The following INO80E variants were observed in gnomAD, a reference collection of about 807,000 sequenced individuals.
INO80E encodes INO80 complex subunit E, also known as coiled-coil domain containing 95.
A neutral mutation model predicts 27.3 loss-of-function variants in INO80E; 20 were observed. The observed-to-expected ratio is 0.73, with a 90% CI of 0.51 to 1.06. The LOEUF is 1.06. INO80E is among the 50% of genes least tolerant of loss of function. The pLI is 0.00. For missense variants in INO80E, 357 were observed against 322.8 expected (o/e 1.11, Z -0.81); for synonymous variants, 167 against 145.9 (o/e 1.14, Z -1.04).
chr16:29,999,732 A>G (rs1295207422), intron 3 of INO80E, among the ~76,000 whole-genome samples: 1 of 152,254 alleles, frequency 6.6e-6, no homozygotes, highest in African/African-American at 2.4e-5. Context: ...TTAGTTGACC[A>G]GAAAGGTACA....
At chr16:30,004,382 T>C in intron 6 of INO80E, 1 of 152,922 alleles carries the variant, frequency 6.5e-6, no homozygotes, top group Non-Finnish European at 1.5e-5. Flanking sequence ...TGTGAGGACC[T>C]GGCAGCGGGG....
At chr16:30,001,954 C>T (rs187557011) in intron 6 of INO80E, 97 of 167,586 alleles carry the variant, frequency 5.8e-4, no homozygotes, top group Admixed American at 2.8e-3. Flanking sequence ...ACCTATAGGG[C>T]GAGTGGTCCT....
Position 30,000,825 on chromosome 16 carries a change from G to T in INO80E, c.273G>T (p.Pro91=). The change falls in exon 4 of 7, where the codon CCG becomes CCT. Residue 91 remains proline (P), a synonymous_variant. Transcript: ENST00000563197. ...GGACACCCAAGTTGTCTGACACACC[G>T]GCCCCTAAGAGGTGAGAAGAAGATG... is the stretch of plus-strand genomic sequence containing the variant. ...TEGTPKLSDT[P]APKRKRSPPL... 6.2e-7 allele frequency: 1 copy of T among 1,614,124 alleles called. No individual in the cohort carries two copies. Among genetic ancestry groups the T allele is most frequent in the Non-Finnish European group, 8.5e-7 (1 of 1,179,952 alleles).
At chr16:29,999,972 G>A (rs2070286571) in intron 3 of INO80E, among the ~76,000 whole-genome samples, 2 of 152,118 alleles carry the variant, frequency 1.3e-5, no homozygotes, top group South Asian at 4.1e-4. Flanking sequence ...TAGATGAACA[G>A]GACCCTGGTT....
chr16:29,999,702 C>T (rs1157899592), intron 3 of INO80E: 1 of 152,194 alleles, frequency 6.6e-6, no homozygotes, highest in Non-Finnish European at 1.5e-5. Flanking sequence ...GGTCAGTGTG[C>T]TTTAAAGAAT....
At chr16:29,998,716 T>C (rs2070231217) in intron 3 of INO80E, among the ~76,000 whole-genome samples, 1 of 152,134 alleles carries the variant, frequency 6.6e-6, no homozygotes, top group African/African-American at 2.4e-5. Flanking sequence ...TCGTAAGCCA[T>C]GTCACGTAGA....
At chr16:29,999,804 G>A (rs964997739) in intron 3 of INO80E, among the ~76,000 whole-genome samples, 2 of 152,210 alleles carry the variant, frequency 1.3e-5, no homozygotes, top group Admixed American at 1.3e-4. Context: ...CATCAGGAAG[G>A]ATGTGACCAG....
chr16:29,996,417 G>C (rs1377898213), intron 1 of INO80E, 26 bp downstream of exon 1: 2 of 1,571,190 alleles, frequency 1.3e-6, no homozygotes, highest in Non-Finnish European at 1.7e-6. Context: ...GGAAGGCTGT[G>C]GGGGATGAGG....
At chr16:30,001,732 G>T (rs887168244) in intron 6 of INO80E, 10 of 548,168 alleles carry the variant, frequency 1.8e-5, no homozygotes, top group African/African-American at 3.8e-5. Context: ...CAGCCTTGGA[G>T]GACCCGGTGT....
rs950022722 is a variant in INO80E, at chr16:30,005,208, C to T, written c.514-13C>T. 2.1e-6 allele frequency: 3 copies of T among 1,435,274 alleles called. No homozygotes were observed. The highest frequency in any genetic ancestry group is 6.4e-5 in the Admixed American group (2 of 31,186). 88.9% of individuals were successfully genotyped at this position (1,435,274 alleles called of 1,614,324 possible). A position where few individuals can be genotyped will look rare whatever the true frequency, so the allele number is the denominator to read the frequency against. On this transcript the variant is annotated splice_polypyrimidine_tract_variant and intron_variant, in intron 6 of 6. Coordinates refer to ENST00000563197, the MANE Select transcript of INO80E (RefSeq NM_173618.3). ...CCTGACTAGTCCCCCTGTGTTTCTT[C>T]CCCCTGCTGCAGATGGCGGTGGGAC... is the stretch of plus-strand genomic sequence containing the variant.
intron 1 of INO80E, 31 bp downstream of exon 1, chr16:29,996,422 A>C (rs1174627124): frequency 2.6e-6 from 4 of 1,567,858 alleles, no homozygotes; most frequent in Admixed American, 1.9e-5. Flanking sequence ...GCTGTGGGGG[A>C]TGAGGCCTGG....
chr16:30,000,967 C>G lies in INO80E; in HGVS notation c.323C>G (p.Ser108Cys). Reference protein sequence around the residue: ...SPPLGGAPSPSSLSLPPSTGF... With the variant: ...SPPLGGAPSPCSLSLPPSTGF... ...CCGCTGGGGGGCGCCCCCTCTCCCT[C>G]CAGCCTCTCCCTGCCTCCTTCAACA... Residue 108 changes from serine to cysteine, a missense_variant, in exon 5 of 7, where the codon TCC (serine) becomes TGC (cysteine). By Grantham distance (112) the Ser-to-Cys change is moderately radical. Transcript: ENST00000563197. 6.4e-7 allele frequency: 1 copy of G among 1,574,446 alleles called. No homozygotes were observed. Among genetic ancestry groups the G allele is most frequent in the Non-Finnish European group, 8.6e-7 (1 of 1,157,418 alleles).
chr16:29,996,513 C>T (rs544664924), intron 1 of INO80E, 34 bp from the exon 2 acceptor site: 1 of 1,554,586 alleles, frequency 6.4e-7, no homozygotes. Flanking sequence ...CACGGAGGAC[C>T]GTTGGCCCAG....
chr16:29,998,305 A>C (rs2070215595), intron 3 of INO80E, among the ~76,000 whole-genome samples: 1 of 151,628 alleles, frequency 6.6e-6, no homozygotes, highest in South Asian at 2.1e-4. Flanking sequence ...AAAAAAAAAA[A>C]ACAAAAACCA....
chr16:30,004,590 C>T (rs539443411), intron 6 of INO80E: 25 of 154,748 alleles, frequency 1.6e-4, no homozygotes, highest in Non-Finnish European at 2.3e-4. Context: ...GGCTGCCGTG[C>T]GGAGGAGCTG....
rs190167175 is a variant in INO80E at position 30,001,685 on chromosome 16, G to A, written c.513+155G>A. On this transcript the variant is annotated intron_variant, in intron 6 of 6. Transcript: ENST00000563197. ...TGAGGGGTGGATCACAGAAGTCTCG[G>A]CTTACAGGCTTGTATGGAGACAAAT... The A allele has an allele frequency of 1.3e-3, 896 of 690,784 alleles. 7 individuals are homozygous for A. The African/African-American group carries it at 0.015, about 11-fold the overall frequency. 42.8% of individuals were successfully genotyped at this position (690,784 alleles called of 1,614,324 possible).
Position 29,996,632 on chromosome 16 carries a change from A to T in INO80E, c.152+15A>T, listed in dbSNP as rs773559761. On this transcript the variant is annotated intron_variant, in intron 2 of 6. Transcript: ENST00000563197. ...CGGGACAAGAGGTGAGGCACGTTGC[A>T]GGGGCGGAGGGCGATGTGCTTCCTA... is the stretch of plus-strand genomic sequence containing the variant. The T allele has an allele frequency of 5.1e-6, 8 of 1,581,342 alleles. No homozygotes were observed. Among genetic ancestry groups the T allele is most frequent in the Non-Finnish European group, 6.9e-6 (8 of 1,163,366 alleles).
chr16:29,999,048 A>G (rs892309154), intron 3 of INO80E, among the ~76,000 whole-genome samples: 3 of 150,910 alleles, frequency 2.0e-5, no homozygotes, highest in African/African-American at 7.4e-5. Flanking sequence ...CCGTCTCAAA[A>G]AAAAAAAAAA....
At chr16:30,004,244 C>T (rs4788211) in intron 6 of INO80E, 74,707 of 152,174 alleles carry the variant, frequency 0.49, 18,514 homozygotes, top group Non-Finnish European at 0.52. Flanking sequence ...CGTTTCCCGC[C>T]CCCCAGTGTC....
Sources: allele counts gnomAD v4.1 joint callset (sites outside exome capture counted in the v4.1 genomes callset), GRCh38; gene constraint gnomAD v4.1.1; transcripts MANE v1.5; gene names NCBI Gene and HGNC (gene_info 2026-07-23, HGNC 2026-07-21).